Variants in CPA6 observed in about 807,000 individuals in gnomAD.
CPA6 encodes the protein carboxypeptidase A6.
In CPA6, 58 loss-of-function variants were observed where a neutral mutation model predicts 63.3. That is an observed-to-expected ratio of 0.92 (90% CI 0.74 to 1.14). The LOEUF (loss-of-function observed/expected upper bound fraction) is 1.14. Among genes scored for constraint, CPA6 ranks in the 50% most tolerant of loss-of-function variants. CPA6 has a pLI of 0.00. For missense variants in CPA6, 565 were observed against 526.6 expected, an observed-to-expected ratio of 1.07 and a Z score of -0.71; for synonymous variants, 185 against 179.0, an observed-to-expected ratio of 1.03 and a Z score of -0.27.
chr8:67,589,378 G>A (rs181016345), intron 2 of CPA6, among the ~76,000 whole-genome samples: 1 of 152,242 alleles, frequency 6.6e-6, no homozygotes, highest in East Asian at 1.9e-4. Flanking sequence ...ATCTTCCAAG[G>A]CTTATTGCCT....
rs371613092 is a variant in CPA6 at position 67,458,514 on chromosome 8, A to G, written c.839-24274T>C. On this transcript the variant is annotated intron_variant, in intron 8 of 10. Transcript: ENST00000297770. ...TGCCTGGCCAGCAATCACTTTTAAA[A>G]TACAACACCAAAGGCACAATCCATG... Among the ~76,000 whole-genome samples the G allele has an allele frequency of 3.9e-5, 6 of 152,220 alleles. No individual in the cohort carries two copies. The East Asian group carries it at 9.6e-4, about 24-fold the overall frequency.
chr8:67,659,033 T>A (rs1475059410), intron 1 of CPA6, among the ~76,000 whole-genome samples: 2 of 152,244 alleles, frequency 1.3e-5, no homozygotes, highest in Non-Finnish European at 2.9e-5. Context: ...TCTCTTTTGA[T>A]TAAATTTCTT....
intron 1 of CPA6, among the ~76,000 whole-genome samples, chr8:67,651,551 C>G (rs1284421933): frequency 6.6e-6 from 1 of 151,822 alleles, no homozygotes; most frequent in Non-Finnish European, 1.5e-5. Context: ...TGAACTGATT[C>G]CCAAAGTATT....
chr8:67,494,269 AATATTTTTAT>A (rs1349532261), intron 6 of CPA6, among the ~76,000 whole-genome samples: 1 of 152,064 alleles, frequency 6.6e-6, no homozygotes, highest in Non-Finnish European at 1.5e-5. Flanking sequence ...ACTATACTAA[AATATTTTTAT>A]GTAGTCAGGG....
At chr8:67,634,289 G>A (rs926458265) in intron 1 of CPA6, among the ~76,000 whole-genome samples, 4 of 147,912 alleles carry the variant, frequency 2.7e-5, no homozygotes, top group East Asian at 2.0e-4. Flanking sequence ...GCACTATCTC[G>A]GCTCACTACA....
chr8:67,551,826 G>A (rs1193865722), intron 2 of CPA6, among the ~76,000 whole-genome samples: 1 of 152,052 alleles, frequency 6.6e-6, no homozygotes, highest in African/African-American at 2.4e-5. Context: ...CTAGAATATT[G>A]GAAAAGAGTG....
At chr8:67,591,450 G>A (rs1814121299) in intron 2 of CPA6, among the ~76,000 whole-genome samples, 2 of 152,094 alleles carry the variant, frequency 1.3e-5, no homozygotes, top group African/African-American at 4.8e-5. Context: ...GATGGGGAGG[G>A]CAATGAATCT....
At position 67,488,485 on chromosome 8, in the gene CPA6, C is replaced by A. The variant is rs189372334; in HGVS notation, c.637-3696G>T. Among the ~76,000 whole-genome samples the A allele has an allele frequency of 2.6e-5, 4 of 152,220 alleles. No individual in the cohort carries two copies. In the East Asian group the frequency reaches 7.7e-4, roughly 29 times the overall value. On this transcript the variant is annotated intron_variant, in intron 6 of 10. Coordinates refer to ENST00000297770, the MANE Select transcript of CPA6 (RefSeq NM_020361.5). ...GTAGTACAGTTTGAAGTCAGGTAGC[C>A]TGATGCCTCCAGCTTTGTTCTTTTG...
intron 2 of CPA6, among the ~76,000 whole-genome samples, chr8:67,560,190 T>A (rs945399511): frequency 6.8e-6 from 1 of 147,628 alleles, no homozygotes; most frequent in Non-Finnish European, 1.5e-5. Flanking sequence ...CCAGATGTAC[T>A]TTTGGCAGGG....
chr8:67,503,231 G>T lies in CPA6; in HGVS notation c.636+3556C>A, dbSNP rs544650047. 3.3e-3 allele frequency among the ~76,000 whole-genome samples: 496 copies of T among 151,956 alleles called. 2 individuals carry two copies. Among genetic ancestry groups the T allele is most frequent in the African/African-American group, 0.01 (425 of 41,432 alleles). The stretch of plus-strand genomic sequence containing the variant: ...TTTTTGTAATTTTAGTAGAGACAGG[G>T]TTTTACCATGTTGGCCAGGCTGGTC... On this transcript the variant is annotated intron_variant, in intron 6 of 10. Coordinates refer to ENST00000297770, the MANE Select transcript of CPA6 (RefSeq NM_020361.5).
chr8:67,663,081 AC>A (rs1318007435), intron 1 of CPA6, among the ~76,000 whole-genome samples: 2 of 152,178 alleles, frequency 1.3e-5, no homozygotes, highest in Non-Finnish European at 2.9e-5. Flanking sequence ...CCTACCTACT[AC>A]CTGCCCTTTC....
intron 2 of CPA6, among the ~76,000 whole-genome samples, chr8:67,552,087 C>T (rs372062395): frequency 6.6e-6 from 1 of 152,178 alleles, no homozygotes; most frequent in East Asian, 1.9e-4. Flanking sequence ...TCTCTTAGTT[C>T]TCTTTCTTCC....
intron 1 of CPA6, among the ~76,000 whole-genome samples, chr8:67,703,279 C>T (rs938948023): frequency 1.3e-5 from 2 of 152,166 alleles, no homozygotes; most frequent in African/African-American, 2.4e-5. Flanking sequence ...CTCAGCTCAC[C>T]CTGATGGGTG....
At chr8:67,498,037 G>T (rs1461810274) in intron 6 of CPA6, among the ~76,000 whole-genome samples, 1 of 152,090 alleles carries the variant, frequency 6.6e-6, no homozygotes, top group African/African-American at 2.4e-5. Flanking sequence ...TCTCCTTGCT[G>T]TCTATTCTCT....
At chr8:67,674,397 ACTACT>A (rs1357735695) in intron 1 of CPA6, among the ~76,000 whole-genome samples, 7 of 152,260 alleles carry the variant, frequency 4.6e-5, no homozygotes, top group African/African-American at 1.7e-4. Flanking sequence ...CAACTGAAAA[ACTACT>A]CTTGTCCAGC....
Position 67,434,079 on chromosome 8 carries a change from A to G in CPA6, c.1000T>C (p.Tyr334His), listed in dbSNP as rs375860856. The change falls in exon 9 of 11, where the codon TAT (tyrosine) becomes CAT (histidine). Residue 334 changes from tyrosine (Y) to histidine (H), a missense_variant. Physicochemically the swap from Tyr to His is moderately conservative, Grantham distance 83. Coordinates refer to ENST00000297770, the MANE Select transcript of CPA6 (RefSeq NM_020361.5). ...HAYAQMLLYP[Y>H]SYKYATIPNF... ...GGAATTGTTGCATATTTGTAAGAAT[A>G]GGGATACAGTAACATCTGAGCATAT... 4.2e-5 allele frequency: 68 copies of G among 1,613,530 alleles called. No individual in the cohort carries two copies. Among genetic ancestry groups the G allele is most frequent in the Non-Finnish European group, 4.9e-5 (58 of 1,179,856 alleles).
intron 1 of CPA6, among the ~76,000 whole-genome samples, chr8:67,652,819 C>T (rs575477428): frequency 1.4e-4 from 22 of 152,066 alleles, no homozygotes; most frequent in Admixed American, 2.6e-4. Flanking sequence ...TTGCCCATGC[C>T]TATGTCCTGA....
At chr8:67,663,411 GGTTT>G (rs1288166208) in intron 1 of CPA6, among the ~76,000 whole-genome samples, 1 of 151,976 alleles carries the variant, frequency 6.6e-6, no homozygotes, top group African/African-American at 2.4e-5. Context: ...AGGATGTGCA[GGTTT>G]GTTACATAGT....
At chr8:67,639,027 T>C (rs905151848) in intron 1 of CPA6, among the ~76,000 whole-genome samples, 1 of 151,384 alleles carries the variant, frequency 6.6e-6, no homozygotes. Context: ...TATCAAAAAT[T>C]ATACAGCACA....
Sources: gnomAD v4.1 joint callset for allele counts (sites outside exome capture counted in the v4.1 genomes callset) on GRCh38, gnomAD v4.1.1 for gene constraint, MANE v1.5 for transcripts, NCBI Gene and HGNC (gene_info 2026-07-23, HGNC 2026-07-21) for gene names.